The following PPP3CA variants were observed in gnomAD, a reference collection of about 807,000 sequenced individuals.
PPP3CA encodes the protein CAM-PRP catalytic subunit.
Under a neutral mutation model 66.5 loss-of-function variants are expected in PPP3CA, and 14 were observed. That is an observed-to-expected ratio of 0.21 (90% CI 0.14 to 0.33). The LOEUF (loss-of-function observed/expected upper bound fraction) is 0.33. PPP3CA is among the 10% of genes least tolerant of loss of function. PPP3CA has a pLI of 1.00. For synonymous variants in PPP3CA, 232 were observed against 226.2 expected (o/e 1.03, Z -0.23); for missense variants, 317 against 639.5 (o/e 0.50, Z 5.44).
chr4:101,098,799 T>C (rs1185090822), intron 4 of PPP3CA, among the ~76,000 whole-genome samples: 2 of 152,046 alleles, frequency 1.3e-5, no homozygotes, highest in African/African-American at 4.8e-5. Context: ...TCTGCAGACG[T>C]CTCACCAAAA....
At chr4:101,041,438 T>C (rs1727515023) in intron 10 of PPP3CA, among the ~76,000 whole-genome samples, 1 of 142,026 alleles carries the variant, frequency 7.0e-6, no homozygotes, top group Non-Finnish European at 1.5e-5. Flanking sequence ...AATTTTTTTT[T>C]TTTTTTTTTT....
intron 2 of PPP3CA, among the ~76,000 whole-genome samples, chr4:101,160,593 T>C (rs938698504): frequency 1.3e-5 from 2 of 152,046 alleles, no homozygotes; most frequent in African/African-American, 2.4e-5. Flanking sequence ...TTCATTTCTA[T>C]GAAGTCAAGG....
chr4:101,290,276 A>T (rs1353206678), intron 1 of PPP3CA, among the ~76,000 whole-genome samples: 1 of 152,098 alleles, frequency 6.6e-6, no homozygotes, highest in Non-Finnish European at 1.5e-5. Context: ...CTCCAGTTTG[A>T]CTTTATCTGG....
chr4:101,234,965 T>C (rs1041722655), intron 1 of PPP3CA, among the ~76,000 whole-genome samples: 1 of 151,638 alleles, frequency 6.6e-6, no homozygotes, highest in Admixed American at 6.6e-5. Flanking sequence ...TTCAATAGAG[T>C]AATACATCAA....
rs1048816968 is a variant in PPP3CA at position 101,023,789 on chromosome 4, G to A, written c.*2076C>T. Reference sequence around the variant, plus strand: ...CATATTCTTATTATTTAATATAACAGGCATACTTTATTATATAAAACAAAG... The same window carrying A: ...CATATTCTTATTATTTAATATAACAAGCATACTTTATTATATAAAACAAAG... On this transcript the variant is annotated 3_prime_UTR_variant, in exon 14 of 14. Transcript: ENST00000394854. 1.2e-4 allele frequency: 19 copies of A among 152,510 alleles called. No homozygotes were observed. Among genetic ancestry groups the A allele is most frequent in the Non-Finnish European group, 2.5e-4 (17 of 68,024 alleles). The allele number at this position is 152,510 out of a possible 1,614,324, so 9.4% of individuals were successfully genotyped here. A position where few individuals can be genotyped will look rare whatever the true frequency, so the allele number is the denominator to read the frequency against.
intron 7 of PPP3CA, among the ~76,000 whole-genome samples, chr4:101,082,468 C>T (rs1578429141): frequency 6.6e-6 from 1 of 152,116 alleles, no homozygotes; most frequent in Non-Finnish European, 1.5e-5. Context: ...GGAAGCAATG[C>T]CTTTCAGTGG....
intron 1 of PPP3CA, among the ~76,000 whole-genome samples, chr4:101,321,992 A>T (rs1347352268): frequency 6.6e-6 from 1 of 152,124 alleles, no homozygotes; most frequent in African/African-American, 2.4e-5. Flanking sequence ...AGAATAAGAA[A>T]TCCTTGTTTC....
chr4:101,238,687 T>C (rs1462610129), intron 1 of PPP3CA, among the ~76,000 whole-genome samples: 1 of 152,052 alleles, frequency 6.6e-6, no homozygotes, highest in Non-Finnish European at 1.5e-5. Context: ...ACTTCAAGAA[T>C]CAATATTTAT....
chr4:101,191,725 G>A (rs1724607979), intron 2 of PPP3CA, among the ~76,000 whole-genome samples: 1 of 152,194 alleles, frequency 6.6e-6, no homozygotes, highest in African/African-American at 2.4e-5. Flanking sequence ...GTGCAGGCAA[G>A]GGGAATTCTC....
chr4:101,116,452 C>T (rs1007473292), intron 2 of PPP3CA, among the ~76,000 whole-genome samples: 3 of 151,844 alleles, frequency 2.0e-5, no homozygotes, highest in South Asian at 2.1e-4. Flanking sequence ...CCAAAATCTA[C>T]AATTTTGCAG....
rs187328095 is a variant in PPP3CA at position 101,230,009 on chromosome 4, A to T, written c.59-33893T>A. Among the ~76,000 whole-genome samples the T allele has an allele frequency of 8.0e-4, 122 of 151,804 alleles. 1 individual carries two copies. The highest frequency in any genetic ancestry group is 7.0e-3 in the Admixed American group (107 of 15,194). On this transcript the variant is annotated intron_variant, in intron 1 of 13. Transcript: ENST00000394854. ...CACCAGTATTGAGATACATAAAGAG[A>T]GGTGGCTAGATAAATACAGTTCCTT... is the stretch of plus-strand genomic sequence containing the variant.
chr4:101,074,424 GTA>G (rs1425736624), intron 8 of PPP3CA, among the ~76,000 whole-genome samples: 2 of 152,118 alleles, frequency 1.3e-5, no homozygotes, highest in Non-Finnish European at 2.9e-5. Flanking sequence ...AAAAATTGTG[GTA>G]TAGTATGGAA....
At chr4:101,146,390 A>G (rs1162001965) in intron 2 of PPP3CA, among the ~76,000 whole-genome samples, 3 of 152,228 alleles carry the variant, frequency 2.0e-5, no homozygotes, top group African/African-American at 7.2e-5. Flanking sequence ...AGGATGAACT[A>G]ATTAACTTGA....
intron 1 of PPP3CA, among the ~76,000 whole-genome samples, chr4:101,307,937 A>G (rs1044039396): frequency 2.6e-5 from 4 of 152,230 alleles, no homozygotes; most frequent in African/African-American, 9.6e-5. Flanking sequence ...CACGATTTGA[A>G]TCCTTATTGT....
intron 1 of PPP3CA, among the ~76,000 whole-genome samples, chr4:101,255,609 CATCTT>C (rs1248289872): frequency 6.6e-6 from 1 of 151,772 alleles, no homozygotes; most frequent in Non-Finnish European, 1.5e-5. Context: ...ACAATTCTAA[CATCTT>C]ATTGTCAACC....
intron 3 of PPP3CA, among the ~76,000 whole-genome samples, chr4:101,106,473 A>AGAAAGAAGAGAAG (rs1560605300): frequency 2.3e-5 from 1 of 43,270 alleles, no homozygotes; most frequent in Non-Finnish European, 4.4e-5. Flanking sequence ...AAGAAAAGAA[A>AGAAAGAAGAGAAG]AGAAAAGAAA....
chr4:101,331,900 T>TA (rs1194035139), intron 1 of PPP3CA, among the ~76,000 whole-genome samples: 4 of 151,832 alleles, frequency 2.6e-5, no homozygotes, highest in African/African-American at 9.7e-5. Context: ...TGCAAACCAG[T>TA]AAAAAAAGGG....
intron 1 of PPP3CA, among the ~76,000 whole-genome samples, chr4:101,220,961 T>C (rs1394136926): frequency 6.6e-6 from 1 of 151,776 alleles, no homozygotes; most frequent in Non-Finnish European, 1.5e-5. Flanking sequence ...TTCTAGCCAC[T>C]TTACATGAGT....
In PPP3CA at chr4:101,083,226, A is replaced by G; in HGVS notation, c.820T>C (p.Leu274=). 6.2e-7 allele frequency: 1 copy of G among 1,608,774 alleles called. No individual in the cohort carries two copies. Among genetic ancestry groups the G allele is most frequent in the African/African-American group, 1.3e-5 (1 of 74,802 alleles). Residue 274 remains leucine, a synonymous_variant, in exon 7 of 14, where the codon TTG becomes CTG. Coordinates refer to ENST00000394854, the MANE Select transcript of PPP3CA (RefSeq NM_000944.5). Reference sequence around the variant, plus strand: ...TCGTGGGCTCGGAGTATAGATAACAAGTTATTGTGCTGTAAGAATTCACAT... The same window carrying G: ...TCGTGGGCTCGGAGTATAGATAACAGGTTATTGTGCTGTAAGAATTCACAT... ...AVCEFLQHNN[L]LSILRAHEAQ...
Sources: gnomAD v4.1 joint callset for allele counts (sites outside exome capture counted in the v4.1 genomes callset) on GRCh38, gnomAD v4.1.1 for gene constraint, MANE v1.5 for transcripts, NCBI Gene and HGNC (gene_info 2026-07-23, HGNC 2026-07-21) for gene names.